COLEC10: variants seen among roughly 807,000 people sequenced by gnomAD.
The protein encoded by COLEC10 is collectin subfamily member 10, also known as collectin-10.
In COLEC10, 22 loss-of-function variants were observed where a neutral mutation model predicts 28.4. The observed-to-expected ratio is 0.78, with a 90% CI of 0.55 to 1.11. COLEC10 has a LOEUF of 1.11. Ranked by LOEUF, COLEC10 falls within the 50% of genes least tolerant of loss-of-function variation. COLEC10 has a pLI of 0.00. For synonymous variants in COLEC10, 125 were observed against 116.1 expected, an observed-to-expected ratio of 1.08 and a Z score of -0.49; for missense variants, 361 against 344.1, an observed-to-expected ratio of 1.05 and a Z score of -0.39.
At chr8:119,065,337 C>T (rs963738317), upstream of COLEC10, among the ~76,000 whole-genome samples, 7 of 152,052 alleles carry the variant, frequency 4.6e-5, no homozygotes, top group African/African-American at 1.4e-4. Flanking sequence ...CTCATAGGAG[C>T]ACAAACCCTA....
upstream of COLEC10, among the ~76,000 whole-genome samples, chr8:118,993,026 C>T (rs1586986234): frequency 6.6e-6 from 1 of 152,230 alleles, no homozygotes; most frequent in African/African-American, 2.4e-5. Flanking sequence ...TCGTGAGTTC[C>T]CTTTGCAGGG....
At chr8:118,972,534 C>T in the COLEC10 span, among the ~76,000 whole-genome samples, 1 of 151,862 alleles carries the variant, frequency 6.6e-6, no homozygotes, top group African/African-American at 2.4e-5. Flanking sequence ...CCAAGGTAGA[C>T]CTCCAATTTC....
chr8:119,022,239 C>T (rs1814111995), intron 2 of COLEC10, among the ~76,000 whole-genome samples: 1 of 152,084 alleles, frequency 6.6e-6, no homozygotes, highest in South Asian at 2.1e-4. Context: ...ATAATTTAAA[C>T]ACAGGCCAGA....
chr8:119,034,523 C>T (rs1814352936), intron 2 of COLEC10, among the ~76,000 whole-genome samples: 2 of 151,912 alleles, frequency 1.3e-5, no homozygotes, highest in Admixed American at 1.3e-4. Context: ...TCAGACTGGC[C>T]AAGATAGTGA....
chr8:118,991,257 A>G (rs965200656), upstream of COLEC10, among the ~76,000 whole-genome samples: 1 of 152,172 alleles, frequency 6.6e-6, no homozygotes, highest in Non-Finnish European at 1.5e-5. Context: ...AACACTTACT[A>G]GCTATGTGAC....
rs569947159 is a variant in COLEC10 at position 119,011,125 on chromosome 8, T to C, written n.235+1572T>C. Among the ~76,000 whole-genome samples the C allele has an allele frequency of 7.9e-5, 12 of 151,190 alleles. No individual in the cohort carries two copies. The East Asian group carries it at 2.1e-3, about 27-fold the overall frequency. ...AAGTTTTATAGTCTACATTTTACAA[T>C]TAGGTCTGTGATTCATTTTGAGTTA... On this transcript the variant is annotated intron_variant and non_coding_transcript_variant, in intron 2 of 6. Transcript: ENST00000521788.
chr8:119,024,205 G>A (rs924547964), intron 2 of COLEC10, among the ~76,000 whole-genome samples: 2 of 152,110 alleles, frequency 1.3e-5, no homozygotes, highest in Admixed American at 6.6e-5. Flanking sequence ...TGGGTACCTT[G>A]AAGAAAGACA....
chr8:119,031,744 T>A (rs558178748), intron 2 of COLEC10, among the ~76,000 whole-genome samples: 1 of 152,304 alleles, frequency 6.6e-6, no homozygotes, highest in South Asian at 2.1e-4. Context: ...ATTTAATAAT[T>A]AGTTCAAAGG....
At chr8:118,955,782 C>G in the COLEC10 span, among the ~76,000 whole-genome samples, 1 of 152,086 alleles carries the variant, frequency 6.6e-6, no homozygotes, top group Non-Finnish European at 1.5e-5. Flanking sequence ...TAGAAATATT[C>G]CAGTACGGTT....
chr8:118,978,453 G>T, the COLEC10 span, among the ~76,000 whole-genome samples: 2 of 151,820 alleles, frequency 1.3e-5, no homozygotes, highest in African/African-American at 4.8e-5. Context: ...TTACCATCTG[G>T]GGAGTCACAG....
At chr8:119,062,118 G>A (rs1563730928) in intron 2 of COLEC10, among the ~76,000 whole-genome samples, 1 of 152,000 alleles carries the variant, frequency 6.6e-6, no homozygotes, top group East Asian at 1.9e-4. Context: ...ATTGTTACAG[G>A]CCCATTATAT....
intron 2 of COLEC10, among the ~76,000 whole-genome samples, chr8:119,020,902 T>C (rs947749214): frequency 2.0e-5 from 3 of 152,164 alleles, no homozygotes; most frequent in African/African-American, 7.2e-5. Flanking sequence ...TCATTAAAAA[T>C]ACACATGAAT....
At chr8:119,101,305 A>G (rs1279680069) in intron 3 of COLEC10, among the ~76,000 whole-genome samples, 1 of 152,094 alleles carries the variant, frequency 6.6e-6, no homozygotes, top group Non-Finnish European at 1.5e-5. Flanking sequence ...CCAGATCACT[A>G]TTGAAGCATA....
In COLEC10 at chr8:119,069,605, C is replaced by CAAAAAAAAAA. The variant is rs138362458; in HGVS notation, c.148+2192_148+2201dup. Reference sequence around the variant, plus strand: ...TGGACAACAGAGTGAGACCCCATCTCAAAAAAAAAAAAAAAAAAAAAAAAA... The same window carrying CAAAAAAAAAA: ...TGGACAACAGAGTGAGACCCCATCTCAAAAAAAAAAAAAAAAAAAAAAAAAAAAAAAAAAA... On this transcript the variant is annotated intron_variant, in intron 1 of 5. Transcript: ENST00000332843. 6.8e-4 allele frequency among the ~76,000 whole-genome samples: 6 copies of CAAAAAAAAAA among 8,800 alleles called. 2 individuals are homozygous for CAAAAAAAAAA. The highest frequency in any genetic ancestry group is 4.3e-3 in the East Asian group (1 of 230). 5.8% of individuals were successfully genotyped at this position (8,800 alleles called of 152,430 possible).
chr8:119,080,859 C>T (rs750186756), intron 1 of COLEC10, among the ~76,000 whole-genome samples: 1 of 152,058 alleles, frequency 6.6e-6, no homozygotes, highest in Admixed American at 6.6e-5. Context: ...AAATATAATA[C>T]TCCCTAAGAG....
intron 1 of COLEC10, chr8:119,068,274 C>T (rs1815014632): frequency 1.3e-5 from 2 of 152,114 alleles, no homozygotes. Context: ...TACATTGCCC[C>T]ATGCCTGTCA....
intron 2 of COLEC10, among the ~76,000 whole-genome samples, chr8:119,028,507 A>T (rs1041562639): frequency 6.6e-6 from 1 of 152,146 alleles, no homozygotes; most frequent in African/African-American, 2.4e-5. Context: ...GGAAGAAGCC[A>T]AAGAGGAAAC....
chr8:118,993,968 T>C (rs1380763691), upstream of COLEC10, among the ~76,000 whole-genome samples: 2 of 152,204 alleles, frequency 1.3e-5, no homozygotes, highest in African/African-American at 4.8e-5. Flanking sequence ...TTTTAATGTG[T>C]CTAATAGCTA....
upstream of COLEC10, among the ~76,000 whole-genome samples, chr8:118,992,353 A>G (rs1813517508): frequency 6.6e-6 from 1 of 152,132 alleles, no homozygotes; most frequent in South Asian, 2.1e-4. Flanking sequence ...AGGTAATTGA[A>G]TCAGTTTAAA....
Sources: gnomAD v4.1 joint callset for allele counts (sites outside exome capture counted in the v4.1 genomes callset) on GRCh38, gnomAD v4.1.1 for gene constraint, MANE v1.5 for transcripts, NCBI Gene and HGNC (gene_info 2026-07-23, HGNC 2026-07-21) for gene names.